FER1L6: variants seen among roughly 807,000 people sequenced by gnomAD.
FER1L6 encodes fer-1-like protein 6.
In FER1L6, 177 loss-of-function variants were observed where a neutral mutation model predicts 219.2. That is an observed-to-expected ratio of 0.81 (90% CI 0.71 to 0.91). FER1L6 has a LOEUF of 0.91. Among genes scored for constraint, FER1L6 ranks in the 40% least tolerant of loss-of-function variants. The pLI, the probability that FER1L6 is intolerant of heterozygous loss-of-function variation, is 0.00. For synonymous variants in FER1L6, 768 were observed against 824.3 expected (o/e 0.93, Z 1.17); for missense variants, 2,153 against 2,259.9 (o/e 0.95, Z 0.96).
At position 124,039,501 on chromosome 8, in the gene FER1L6, T is replaced by C. The variant is rs143594451; in HGVS notation, c.2465-381T>C. On this transcript the variant is annotated intron_variant, in intron 19 of 40. Transcript: ENST00000522917. ...TGATATTTTAGAAAGAGAAGAGGAT[T>C]TTAGAATCAGAAATAAAATCGATGC... is the stretch of plus-strand genomic sequence containing the variant. Among the ~76,000 whole-genome samples the C allele has an allele frequency of 8.2e-3, 1,248 of 152,244 alleles. 18 individuals are homozygous for C. The highest frequency in any genetic ancestry group is 0.029 in the African/African-American group (1,206 of 41,548).
chr8:124,004,141 T>C (rs1817555875), intron 13 of FER1L6: 1 of 144,146 alleles, frequency 6.9e-6, no homozygotes, highest in South Asian at 2.3e-4. Flanking sequence ...AAAAAACAAT[T>C]GTCAGGCACC....
chr8:124,085,419 G>GTTTA (rs145091999), intron 33 of FER1L6, among the ~76,000 whole-genome samples: 2 of 151,502 alleles, frequency 1.3e-5, no homozygotes, highest in Non-Finnish European at 2.9e-5. Context: ...TTGTTGGTAT[G>GTTTA]TTTCCATTTT....
At chr8:124,104,937 A>G (rs1458117064) in intron 39 of FER1L6, among the ~76,000 whole-genome samples, 1 of 152,230 alleles carries the variant, frequency 6.6e-6, no homozygotes, top group Non-Finnish European at 1.5e-5. Flanking sequence ...GGTCTCTGTT[A>G]TCATAGAGCT....
chr8:124,060,986 G>A (rs997741632), intron 24 of FER1L6, among the ~76,000 whole-genome samples: 53 of 152,152 alleles, frequency 3.5e-4, no homozygotes, highest in African/African-American at 1.1e-3. Flanking sequence ...CATCACCTGA[G>A]AACTTGTTAG....
At chr8:123,913,962 A>T (rs1813115023) in intron 1 of FER1L6, among the ~76,000 whole-genome samples, 1 of 152,198 alleles carries the variant, frequency 6.6e-6, no homozygotes, top group African/African-American at 2.4e-5. Flanking sequence ...TCTGTATTAG[A>T]AATGGGTCTT....
At chr8:124,052,675 C>T (rs984415424) in intron 22 of FER1L6, among the ~76,000 whole-genome samples, 1 of 152,094 alleles carries the variant, frequency 6.6e-6, no homozygotes, top group Non-Finnish European at 1.5e-5. Context: ...ATCCCAGCTA[C>T]TCCGGAGGCT....
intron 1 of FER1L6, among the ~76,000 whole-genome samples, chr8:123,861,767 G>C (rs916874916): frequency 2.8e-5 from 4 of 141,468 alleles, no homozygotes; most frequent in African/African-American, 1.1e-4. Flanking sequence ...GTTCACTCAT[G>C]ATTTGGCTCT....
chr8:124,079,573 GT>G (rs1226087661), intron 32 of FER1L6, among the ~76,000 whole-genome samples: 1 of 152,154 alleles, frequency 6.6e-6, no homozygotes, highest in Non-Finnish European at 1.5e-5. Flanking sequence ...GATTGCAAAT[GT>G]TTTTTTCTTT....
At chr8:124,099,049 T>C (rs1220094524) in intron 37 of FER1L6, among the ~76,000 whole-genome samples, 2 of 151,722 alleles carry the variant, frequency 1.3e-5, no homozygotes, top group African/African-American at 4.8e-5. Context: ...CATGTATCTG[T>C]TTTTTCTCTT....
At position 124,082,541 on chromosome 8, in the gene FER1L6, C is replaced by A. The variant is rs142898480; in HGVS notation, c.4391+83C>A. On this transcript the variant is annotated intron_variant, in intron 33 of 40. Transcript: ENST00000522917. ...GCTCCAGACTCTGCATCCCAGTTGT[C>A]CATCTCTAGGAAGGCCAGACCAGGC... 4 of 1,332,642 alleles carry A rather than the reference C, an allele frequency of 3.0e-6. No individual in the cohort carries two copies. In the East Asian group the frequency reaches 9.3e-5, roughly 31 times the overall value. The allele number at this position is 1,332,642 out of a possible 1,614,324, so 82.6% of individuals were successfully genotyped here.
chr8:123,929,928 G>A (rs779308488), intron 1 of FER1L6, among the ~76,000 whole-genome samples: 1 of 151,328 alleles, frequency 6.6e-6, no homozygotes, highest in Non-Finnish European at 1.5e-5. Flanking sequence ...CTAGCCTCAG[G>A]TCTGTGGCTC....
intron 25 of FER1L6, among the ~76,000 whole-genome samples, chr8:124,062,612 A>G (rs953322120): frequency 6.6e-6 from 1 of 152,144 alleles, no homozygotes; most frequent in South Asian, 2.1e-4. Flanking sequence ...CTGTGTGTAC[A>G]TTAGCCTGTT....
chr8:124,043,354 C>T (rs1819588546), intron 20 of FER1L6, among the ~76,000 whole-genome samples: 1 of 152,190 alleles, frequency 6.6e-6, no homozygotes, highest in Non-Finnish European at 1.5e-5. Context: ...TAGAATTTCC[C>T]TCCAGAGTTA....
chr8:123,859,848 C>T (rs1279618227), intron 1 of FER1L6, among the ~76,000 whole-genome samples: 1 of 146,012 alleles, frequency 6.8e-6, no homozygotes, highest in African/African-American at 2.6e-5. Flanking sequence ...TGATGATTTC[C>T]AATTTCATCC....
At chr8:124,013,976 T>C (rs922295051) in intron 15 of FER1L6, among the ~76,000 whole-genome samples, 1 of 151,906 alleles carries the variant, frequency 6.6e-6, no homozygotes, top group Non-Finnish European at 1.5e-5. Flanking sequence ...AATATACTAT[T>C]CAGTGAGCCT....
chr8:123,987,435 T>C (rs1408442252), intron 12 of FER1L6, among the ~76,000 whole-genome samples: 1 of 152,182 alleles, frequency 6.6e-6, no homozygotes, highest in African/African-American at 2.4e-5. Context: ...CCTTGTCAGA[T>C]AGATAGGATG....
intron 39 of FER1L6, among the ~76,000 whole-genome samples, chr8:124,106,665 C>T (rs988089557): frequency 3.9e-5 from 6 of 152,116 alleles, no homozygotes; most frequent in Non-Finnish European, 8.8e-5. Context: ...GCAGTTGCCC[C>T]TCTGAGAAGC....
intron 18 of FER1L6, among the ~76,000 whole-genome samples, chr8:124,028,808 T>C (rs1818828358): frequency 6.6e-6 from 1 of 152,210 alleles, no homozygotes. Flanking sequence ...CCGGGATACA[T>C]GTGCACAATG....
At chr8:124,006,830 G>A (rs1433334064) in intron 13 of FER1L6, among the ~76,000 whole-genome samples, 1 of 152,098 alleles carries the variant, frequency 6.6e-6, no homozygotes, top group Non-Finnish European at 1.5e-5. Flanking sequence ...AGAAGCCACA[G>A]CATCCTTGTC....
Sources: allele counts gnomAD v4.1 joint callset (sites outside exome capture counted in the v4.1 genomes callset), GRCh38; gene constraint gnomAD v4.1.1; transcripts MANE v1.5; gene names NCBI Gene and HGNC (gene_info 2026-07-23, HGNC 2026-07-21).